The following FDCSP variants were observed in gnomAD, a reference collection of about 807,000 sequenced individuals.
FDCSP encodes follicular dendritic cell secreted peptide.
A neutral mutation model predicts 8.9 loss-of-function variants in FDCSP; 8 were observed. The observed-to-expected ratio is 0.90, with a 90% CI of 0.53 to 1.63. The LOEUF is 1.63. Among genes scored for constraint, FDCSP ranks in the 40% most tolerant of loss-of-function variants. FDCSP has a pLI of 0.00. For missense variants in FDCSP, 101 were observed against 103.6 expected (o/e 0.98, Z 0.11); for synonymous variants, 34 against 34.5 (o/e 0.98, Z 0.06).
chr4:70,234,220 G>A lies in FDCSP; in HGVS notation c.*28+5G>A. ...GGAAAAGTCACGATAAACCTGGTAAGTACACATAGTTACAATCATAGTTTA... is the reference window on the plus strand; with the variant it reads ...GGAAAAGTCACGATAAACCTGGTAAATACACATAGTTACAATCATAGTTTA... On this transcript the variant is annotated splice_donor_5th_base_variant and intron_variant, in intron 4 of 4. Transcript: ENST00000317987. 6.4e-7 allele frequency: 1 copy of A among 1,553,616 alleles called. No individual in the cohort carries two copies. Among genetic ancestry groups the A allele is most frequent in the Non-Finnish European group, 8.7e-7 (1 of 1,147,108 alleles).
At chr4:70,228,727 T>C (rs2109683672) in intron 1 of FDCSP, among the ~76,000 whole-genome samples, 1 of 151,974 alleles carries the variant, frequency 6.6e-6, no homozygotes, top group African/African-American at 2.4e-5. Context: ...ATTCATCTCT[T>C]TGTACATCTG....
At chr4:70,233,386 G>C (rs1730120717) in intron 3 of FDCSP, among the ~76,000 whole-genome samples, 1 of 151,670 alleles carries the variant, frequency 6.6e-6, no homozygotes, top group Non-Finnish European at 1.5e-5. Context: ...TGAGCATTAA[G>C]AGATGTGGGC....
At chr4:70,234,978 A>G (rs1186438052) in intron 4 of FDCSP, 107 bp from the exon 5 acceptor site, 1 of 151,584 alleles carries the variant, frequency 6.6e-6, no homozygotes, top group Non-Finnish European at 1.5e-5. Context: ...TCCTTGAACT[A>G]GATATATTTT....
chr4:70,228,745 G>A (rs1692090806), intron 1 of FDCSP, among the ~76,000 whole-genome samples: 2 of 151,776 alleles, frequency 1.3e-5, no homozygotes, highest in South Asian at 4.1e-4. Flanking sequence ...CTGCTTCAGA[G>A]TTCTTGGGGG....
intron 1 of FDCSP, among the ~76,000 whole-genome samples, chr4:70,229,851 T>C (rs937191263): frequency 6.6e-6 from 1 of 151,742 alleles, no homozygotes; most frequent in African/African-American, 2.4e-5. Flanking sequence ...TACATCTTTA[T>C]AATGTCTTAT....
In FDCSP at chr4:70,234,892, A is replaced by G. The variant is rs1377907257; in HGVS notation, c.*29-193A>G. On this transcript the variant is annotated intron_variant, in intron 4 of 4. Transcript: ENST00000317987. ...TTAGAACCCAGAGGACTGTTCTAGG[A>G]AAAAAATATTTCAGCTACTACTTAC... is the stretch of plus-strand genomic sequence containing the variant. Among the ~76,000 whole-genome samples the G allele has an allele frequency of 4.6e-5, 7 of 151,298 alleles. No homozygotes were observed. The East Asian group carries it at 7.8e-4, about 17-fold the overall frequency.
intron 3 of FDCSP, among the ~76,000 whole-genome samples, 181 bp from the exon 4 acceptor site, chr4:70,233,839 T>G (rs1208183163): frequency 6.6e-6 from 1 of 151,648 alleles, no homozygotes; most frequent in African/African-American, 2.4e-5. Flanking sequence ...CTCTAAATAA[T>G]TTTTAAATGA....
At position 70,231,186 on chromosome 4, in the gene FDCSP, A is replaced by G. The variant is rs770322097; in HGVS notation, c.1-9A>G. ...GTTCTTCTTATTTTTTATTTACTCC[A>G]TTTTGCAGATGAAGAAAGTTCTCCT... On this transcript the variant is annotated splice_polypyrimidine_tract_variant and intron_variant, in intron 1 of 4. Coordinates refer to ENST00000317987, the MANE Select transcript of FDCSP (RefSeq NM_152997.4). The G allele has an allele frequency of 1.3e-6, 2 of 1,588,830 alleles. No individual in the cohort carries two copies. Among genetic ancestry groups the G allele is most frequent in the South Asian group, 1.1e-5 (1 of 87,062 alleles).
intron 1 of FDCSP, among the ~76,000 whole-genome samples, chr4:70,230,577 T>C (rs1039825732): frequency 6.6e-6 from 1 of 151,690 alleles, no homozygotes; most frequent in African/African-American, 2.4e-5. Context: ...AACTTGAAAG[T>C]CAAAATTACT....
At chr4:70,231,903 G>A (rs1730091010) in intron 2 of FDCSP, among the ~76,000 whole-genome samples, 1 of 151,482 alleles carries the variant, frequency 6.6e-6, no homozygotes, top group African/African-American at 2.4e-5. Context: ...CTGACCCTCT[G>A]GAAGCCTAAG....
intron 1 of FDCSP, among the ~76,000 whole-genome samples, chr4:70,229,173 T>G (rs759297473): frequency 2.0e-5 from 3 of 151,744 alleles, no homozygotes; most frequent in Non-Finnish European, 4.4e-5. Flanking sequence ...TATCAACACT[T>G]GCTGCTTTAC....
chr4:70,228,688 G>A (rs529137142), intron 1 of FDCSP, among the ~76,000 whole-genome samples: 36 of 151,938 alleles, frequency 2.4e-4, no homozygotes, highest in African/African-American at 8.2e-4. Context: ...CTGCAGAATG[G>A]ATGTTGTGTT....
rs1259384658 is a variant in FDCSP, at chr4:70,235,090, C to T, written c.*34C>T. ...ATGTCTGTTATTTATTTCAGGTCAC[C>T]TGAAATTGAAATTGAGCCACTTCCT... On this transcript the variant is annotated 3_prime_UTR_variant, in exon 5 of 5. Transcript: ENST00000317987. The T allele has an allele frequency of 6.6e-6, 1 of 151,618 alleles. No individual in the cohort carries two copies. Among genetic ancestry groups the T allele is most frequent in the Non-Finnish European group, 1.5e-5 (1 of 67,812 alleles). The allele number at this position is 151,618 out of a possible 1,614,324, so 9.4% of individuals were successfully genotyped here.
chr4:70,233,106 C>T, intron 3 of FDCSP, 80 bp downstream of exon 3: 1 of 1,238,778 alleles, frequency 8.1e-7, no homozygotes, highest in Non-Finnish European at 1.1e-6. Context: ...ATTGATTTAT[C>T]TAAACCTCCC....
intron 1 of FDCSP, among the ~76,000 whole-genome samples, chr4:70,228,819 T>A (rs945545401): frequency 6.6e-6 from 1 of 151,780 alleles, no homozygotes; most frequent in Non-Finnish European, 1.5e-5. Context: ...AGAAGTGAGC[T>A]GAAAATATTA....
intron 3 of FDCSP, 40 bp from the exon 4 acceptor site, chr4:70,233,979 TA>T: frequency 7.8e-6 from 12 of 1,531,854 alleles, no homozygotes; most frequent in Non-Finnish European, 1.1e-5. Context: ...CTCTTCTTTG[TA>T]AAAAGTGAAA....
At position 70,234,120 on chromosome 4, in the gene FDCSP, T is replaced by G; in HGVS notation, c.191T>G (p.Phe64Cys). 6.2e-7 allele frequency: 1 copy of G among 1,611,516 alleles called. No individual in the cohort carries two copies. Among genetic ancestry groups the G allele is most frequent in the Non-Finnish European group, 8.5e-7 (1 of 1,178,386 alleles). ...PPIPFPRFPWFRRNFPIPIPE... is the reference protein window; with the variant it reads ...PPIPFPRFPWCRRNFPIPIPE... The stretch of plus-strand genomic sequence containing the variant: ...ATTCCATTTCCAAGATTTCCATGGT[T>G]TAGACGTAATTTTCCTATTCCAATA... Residue 64 changes from phenylalanine (F) to cysteine (C), a missense_variant, in exon 4 of 5, where the codon TTT (phenylalanine) becomes TGT (cysteine). By Grantham distance (205) the Phe-to-Cys change is radical. Coordinates refer to ENST00000317987, the MANE Select transcript of FDCSP (RefSeq NM_152997.4).
At chr4:70,230,390 T>C (rs928336586) in intron 1 of FDCSP, among the ~76,000 whole-genome samples, 1 of 151,746 alleles carries the variant, frequency 6.6e-6, no homozygotes, top group Non-Finnish European at 1.5e-5. Flanking sequence ...CATTGTGTAC[T>C]CCATTATAAA....
intron 2 of FDCSP, among the ~76,000 whole-genome samples, 165 bp downstream of exon 2, chr4:70,231,416 A>G (rs1337147975): frequency 1.3e-5 from 2 of 151,748 alleles, no homozygotes; most frequent in Non-Finnish European, 2.9e-5. Context: ...AGGTCAAGGC[A>G]GGAGAATCAC....
Sources: gnomAD v4.1 joint callset for allele counts (sites outside exome capture counted in the v4.1 genomes callset) on GRCh38, gnomAD v4.1.1 for gene constraint, MANE v1.5 for transcripts, NCBI Gene and HGNC (gene_info 2026-07-23, HGNC 2026-07-21) for gene names.